The following GPRC5D variants were observed in gnomAD, a reference collection of about 807,000 sequenced individuals.
GPRC5D encodes the protein G protein-coupled receptor class C group 5 member D, also known as G protein-coupled receptor family C group 5 member D.
GPRC5D carries 20 observed loss-of-function variants against 29.3 expected under a neutral mutation model. That is an observed-to-expected ratio of 0.68 (90% CI 0.48 to 0.99). The LOEUF (loss-of-function observed/expected upper bound fraction) is 0.99. GPRC5D is among the 50% of genes least tolerant of loss of function. GPRC5D has a pLI of 0.00. For synonymous variants in GPRC5D, 178 were observed against 171.3 expected (o/e 1.04, Z -0.30); for missense variants, 384 against 423.6 (o/e 0.91, Z 0.82).
chr12:12,944,819 TTCCTTCCTTCC>T (rs1863243702), intron 1 of GPRC5D, among the ~76,000 whole-genome samples: 4 of 9,526 alleles, frequency 4.2e-4, no homozygotes, highest in Admixed American at 2.4e-3. Context: ...CCTTCCTTCC[TTCCTTCCTTCC>T]TTCCTTCCTT....
exon 1 of GPRC5D, chr12:12,949,494 G>A: frequency 6.2e-7 from 1 of 1,612,312 alleles, no homozygotes. Flanking sequence ...ATGTACCTCT[G>A]GAGAGCTCCT....
At chr12:12,944,781 C>CT (rs1194217145) in intron 1 of GPRC5D, among the ~76,000 whole-genome samples, 5 of 33,622 alleles carry the variant, frequency 1.5e-4, no homozygotes, top group Non-Finnish European at 5.9e-4. Context: ...TTCTTCCTTC[C>CT]TTCCTTCCTT....
chr12:12,945,818 G>A (rs1468161439), intron 1 of GPRC5D, among the ~76,000 whole-genome samples: 1 of 152,160 alleles, frequency 6.6e-6, no homozygotes, highest in Admixed American at 6.5e-5. Flanking sequence ...ATCAAATGCT[G>A]TGAGAGGATG....
At chr12:12,942,232 C>T in intron 2 of GPRC5D, 29 bp downstream of exon 3, 1 of 1,453,702 alleles carries the variant, frequency 6.9e-7, no homozygotes, top group Non-Finnish European at 9.7e-7. Context: ...CTAAGTCCCT[C>T]CTGGGTGAAT....
chr12:12,950,334 G>C (rs183273006), exon 1 of GPRC5D: 1 of 1,612,028 alleles, frequency 6.2e-7, no homozygotes. Context: ...GCCCCTCGGC[G>C]TCACAGAGAA....
chr12:12,951,518 G>C (rs57232680), upstream of GPRC5D, among the ~76,000 whole-genome samples: 6,052 of 152,228 alleles, frequency 0.04, 398 homozygotes, highest in African/African-American at 0.14. Flanking sequence ...AAACTATCTT[G>C]GCTTCATCCT....
At chr12:12,943,570 C>T (rs759536187) in intron 1 of GPRC5D, among the ~76,000 whole-genome samples, 7 of 152,128 alleles carry the variant, frequency 4.6e-5, no homozygotes, top group Admixed American at 3.9e-4. Context: ...GGTGGTGGTG[C>T]TGGTGCTGCA....
exon 1 of GPRC5D, chr12:12,949,898 G>T (rs922088890): frequency 1.2e-6 from 2 of 1,614,116 alleles, no homozygotes; most frequent in Admixed American, 1.7e-5. Context: ...AGCTGGCAGG[G>T]TGTCATATTC....
At chr12:12,951,083 C>A (rs1192423728), upstream of GPRC5D, among the ~76,000 whole-genome samples, 1 of 152,192 alleles carries the variant, frequency 6.6e-6, no homozygotes, top group East Asian at 1.9e-4. Context: ...GCACTCCAGC[C>A]TGGGCGACAG....
At chr12:12,950,069 A>G (rs2136505536) in exon 1 of GPRC5D, 1 of 1,614,068 alleles carries the variant, frequency 6.2e-7, no homozygotes, top group East Asian at 2.2e-5. Flanking sequence ...GCTAAGAGGC[A>G]TGAGAAACAG....
At chr12:12,949,658 A>G in exon 1 of GPRC5D, 1 of 1,614,200 alleles carries the variant, frequency 6.2e-7, no homozygotes, top group Non-Finnish European at 8.5e-7. Context: ...AGAGCAATGC[A>G]GACGACCGGG....
At chr12:12,946,303 CCTTCCT>C (rs774569487) in intron 1 of GPRC5D, among the ~76,000 whole-genome samples, 9,823 of 35,124 alleles carry the variant, frequency 0.28, 500 homozygotes, top group East Asian at 0.34. Context: ...TTCCTTCCTT[CCTTCCT>C]TTTCTTTCTT....
chr12:12,944,786 TTCC>T (rs1863235483), intron 1 of GPRC5D, among the ~76,000 whole-genome samples: 6 of 33,962 alleles, frequency 1.8e-4, no homozygotes, highest in African/African-American at 3.1e-4. Flanking sequence ...CCTTCCTTCC[TTCC>T]TTCCTTCCTT....
At chr12:12,946,902 A>G (rs1863363183) in intron 1 of GPRC5D, 1 of 152,202 alleles carries the variant, frequency 6.6e-6, no homozygotes, top group Non-Finnish European at 1.5e-5. Context: ...TCACATCACA[A>G]ATGCATGCCT....
At chr12:12,944,840 TCCTTCCTTCCTTC>T (rs1565477345) in intron 1 of GPRC5D, among the ~76,000 whole-genome samples, 13 of 39,604 alleles carry the variant, frequency 3.3e-4, no homozygotes, top group African/African-American at 6.4e-4. Flanking sequence ...CTTCCTTCCT[TCCTTCCTTCCTTC>T]TTTCTTTCTT....
chr12:12,950,796 G>C (rs1472225970), upstream of GPRC5D, among the ~76,000 whole-genome samples: 4 of 151,650 alleles, frequency 2.6e-5, no homozygotes. Context: ...GACAGAGTGA[G>C]ACTCTGTCTC....
At chr12:12,942,299 C>G (rs769372774) in exon 2 of GPRC5D, 1 of 1,613,140 alleles carries the variant, frequency 6.2e-7, no homozygotes, top group Admixed American at 1.7e-5. Flanking sequence ...GTTAATGCTA[C>G]ATCCTCCTCA....
chr12:12,948,716 G>A (rs1269419822), intron 1 of GPRC5D: 2 of 152,206 alleles, frequency 1.3e-5, no homozygotes, highest in Non-Finnish European at 2.9e-5. Flanking sequence ...CCCCCAGGTT[G>A]TTGGGGTCCA....
At chr12:12,945,601 A>C (rs1159398361) in intron 1 of GPRC5D, among the ~76,000 whole-genome samples, 1 of 152,244 alleles carries the variant, frequency 6.6e-6, no homozygotes, top group Non-Finnish European at 1.5e-5. Flanking sequence ...GTATTATATC[A>C]TCAACTAATT....
Sources: allele counts gnomAD v4.1 joint callset (sites outside exome capture counted in the v4.1 genomes callset), GRCh38; gene constraint gnomAD v4.1.1; transcripts MANE v1.5; gene names NCBI Gene and HGNC (gene_info 2026-07-23, HGNC 2026-07-21).